Variants in GUCY2D observed in about 807,000 individuals in gnomAD.
GUCY2D encodes the protein guanylate cyclase 2D, retinal, also known as retinal guanylyl cyclase 1.
In GUCY2D, 70 loss-of-function variants were observed where a neutral mutation model predicts 101.3. That is an observed-to-expected ratio of 0.69 (90% CI 0.57 to 0.84). GUCY2D has a LOEUF of 0.84. Ranked by LOEUF, GUCY2D falls within the 40% of genes least tolerant of loss-of-function variation. The pLI is 0.00. For missense variants in GUCY2D, 1,460 were observed against 1,542.5 expected, an observed-to-expected ratio of 0.95 and a Z score of 0.90; for synonymous variants, 688 against 670.7, an observed-to-expected ratio of 1.03 and a Z score of -0.40.
At chr17:8,004,363 A>T (rs561600004) in intron 3 of GUCY2D, among the ~76,000 whole-genome samples, 2 of 152,334 alleles carry the variant, frequency 1.3e-5, no homozygotes, top group South Asian at 4.1e-4. Context: ...CGACCTCTCA[A>T]GTCCAACATC....
At chr17:8,012,051 C>T in intron 8 of GUCY2D, 93 bp from the exon 9 acceptor site, 2 of 869,154 alleles carry the variant, frequency 2.3e-6, no homozygotes, top group Non-Finnish European at 3.9e-6. Flanking sequence ...ATCTCATCTT[C>T]TGGGTCTGGA....
Position 8,015,785 on chromosome 17 carries a change from A to G in GUCY2D, c.2987A>G (p.Tyr996Cys). 1 of 1,612,590 alleles carries G rather than the reference A, an allele frequency of 6.2e-7. No individual in the cohort carries two copies. The highest frequency in any genetic ancestry group is 8.5e-7 in the Non-Finnish European group (1 of 1,179,582). ...GTGGTGGGCCTCACCATGCCGCGGT[A>G]CTGCCTGTTTGGGGACACGGTCAAC... ...AGVVGLTMPR[Y>C]CLFGDTVNTA... Residue 996 changes from tyrosine to cysteine, a missense_variant, in exon 16 of 20, where the codon TAC becomes TGC. By Grantham distance (194) the Tyr-to-Cys change is radical (BLOSUM62 -2). This residue lies in a region of GUCY2D where 215 missense variants were observed against 227.9 expected (regional missense o/e 0.94). Transcript: ENST00000254854.
At position 8,003,937 on chromosome 17, in the gene GUCY2D, C is replaced by T. The variant is rs773415492; in HGVS notation, c.807C>T (p.Thr269=). The change falls in exon 3 of 20, where the codon ACC becomes ACT. Residue 269 remains threonine (T), a synonymous_variant. Transcript: ENST00000254854. The part of the protein sequence containing the change: ...LLEAAEELGL[T]DGSLVFLPFD... The stretch of plus-strand genomic sequence containing the variant: ...AGGCCGCAGAGGAGCTGGGCCTGAC[C>T]GATGGCTCCCTGGTCTTCCTGCCCT... 37 of 1,613,566 alleles carry T rather than the reference C, an allele frequency of 2.3e-5. No homozygotes were observed. Among genetic ancestry groups the T allele is most frequent in the Non-Finnish European group, 2.9e-5 (34 of 1,179,868 alleles).
At position 8,015,920 on chromosome 17, in the gene GUCY2D, G is replaced by T. The variant is rs56348143; in HGVS notation, c.3044-7G>T. ...TCCCGAGCTCACGGCGTCCCCCACC[G>T]CCACAGCTTACCGCATCCACGTGAA... is the stretch of plus-strand genomic sequence containing the variant. On this transcript the variant is annotated splice_region_variant and splice_polypyrimidine_tract_variant and intron_variant, in intron 16 of 19. Transcript: ENST00000254854. 0.037 allele frequency: 60,009 copies of T among 1,607,880 alleles called. 1,363 individuals are homozygous for T. The highest frequency in any genetic ancestry group is 0.045 in the Non-Finnish European group (52,788 of 1,177,142).
At chr17:8,004,226 G>C in intron 3 of GUCY2D, 70 bp downstream of exon 3, 1 of 1,379,002 alleles carries the variant, frequency 7.3e-7, no homozygotes, top group Non-Finnish European at 9.8e-7. Flanking sequence ...GGGAGAGGAG[G>C]ATGCAGCCAA....
intron 6 of GUCY2D, 27 bp from the exon 7 acceptor site, chr17:8,007,904 C>T: frequency 7.2e-7 from 1 of 1,397,064 alleles, no homozygotes; most frequent in Non-Finnish European, 1.0e-6. Context: ...TATATTTTGA[C>T]CTCTTGCATT....
Position 8,002,956 on chromosome 17 carries a change from C to T in GUCY2D, c.-9-83C>T. On this transcript the variant is annotated intron_variant, in intron 1 of 19. Coordinates refer to ENST00000254854, the MANE Select transcript of GUCY2D (RefSeq NM_000180.4). This position sits in a 1 kb window ranked among gnomAD's most constrained non-coding sequence, Gnocchi z 4.9. ...AGAATCATCCCATGGGTTACTCGGG[C>T]TTGGAGAAACTCGGGGTTACGGGGA... 9.1e-7 allele frequency: 1 copy of T among 1,093,164 alleles called. No individual in the cohort carries two copies. Among genetic ancestry groups the T allele is most frequent in the Non-Finnish European group, 1.3e-6 (1 of 769,632 alleles). The allele number at this position is 1,093,164 out of a possible 1,614,324, so 67.7% of individuals were successfully genotyped here.
At position 8,015,316 on chromosome 17, in the gene GUCY2D, T is replaced by C. The variant is rs1297975751; in HGVS notation, c.2770-12T>C. 1.2e-6 allele frequency: 2 copies of C among 1,602,538 alleles called. No individual in the cohort carries two copies. Among genetic ancestry groups the C allele is most frequent in the African/African-American group, 2.7e-5 (2 of 74,924 alleles). On this transcript the variant is annotated splice_polypyrimidine_tract_variant and intron_variant, in intron 14 of 19. Coordinates refer to ENST00000254854, the MANE Select transcript of GUCY2D (RefSeq NM_000180.4). The stretch of plus-strand genomic sequence containing the variant: ...CTCAAAAGAAAATTCACACAACTCC[T>C]TCTTCCCCCAGGTGGAGACAATAGG...
intron 15 of GUCY2D, 89 bp from the exon 16 acceptor site, chr17:8,015,654 A>G (rs1349092058): frequency 2.5e-6 from 3 of 1,208,146 alleles, no homozygotes; most frequent in Non-Finnish European, 3.6e-6. Context: ...GCTGGTGGAG[A>G]TAATGGGTGC....
intron 19 of GUCY2D, chr17:8,016,866 G>A (rs977555258): frequency 6.5e-6 from 2 of 308,406 alleles, no homozygotes; most frequent in Admixed American, 9.3e-5. Context: ...CACTGCACAA[G>A]AGACAACTCT....
Position 8,014,403 on chromosome 17 carries a change from A to C in GUCY2D, c.2413-198A>C. 2 of 651,068 alleles carry C rather than the reference A, an allele frequency of 3.1e-6. No homozygotes were observed. Among genetic ancestry groups the C allele is most frequent in the Non-Finnish European group, 5.6e-6 (2 of 359,880 alleles). The allele number at this position is 651,068 out of a possible 1,614,324, so 40.3% of individuals were successfully genotyped here. ...GATCAACTGACCTCTGGGAACCCTC[A>C]TTTCCCACGTGCCTCCTAATCGTGT... On this transcript the variant is annotated intron_variant, in intron 12 of 19. Transcript: ENST00000254854. The surrounding 1 kb of genome is among the most constrained non-coding windows in gnomAD (Gnocchi z 4.0).
rs1975777197 is a variant in GUCY2D at position 8,007,936 on chromosome 17, C to T, written c.1572C>T (p.Ala524=). 5.6e-6 allele frequency: 9 copies of T among 1,608,428 alleles called. No homozygotes were observed. In the East Asian group the frequency reaches 2.0e-4, roughly 36 times the overall value. The stretch of plus-strand genomic sequence containing the variant: ...CATTGACCTCTACCTGCTAGGTGGC[C>T]CAGGGGAGTCGATCAAGTCTGGGTG... ...HPHGGTSRKV[A]QGSRSSLGAR... Residue 524 remains alanine, a synonymous_variant, in exon 7 of 20, where the codon GCC becomes GCT. Transcript: ENST00000254854.
At chr17:8,006,896 A>G (rs537485807) in intron 4 of GUCY2D, among the ~76,000 whole-genome samples, 164 bp from the exon 5 acceptor site, 5 of 152,162 alleles carry the variant, frequency 3.3e-5, no homozygotes, top group African/African-American at 9.6e-5. Context: ...GAAATTTTCT[A>G]TCATTCCCAG....
At position 8,012,479 on chromosome 17, in the gene GUCY2D, G is replaced by A. The variant is rs1334532414; in HGVS notation, c.1986G>A (p.Val662=). The A allele has an allele frequency of 6.2e-7, 1 of 1,614,124 alleles. No individual in the cohort carries two copies. Reference sequence around the variant, plus strand: ...TAAGGTATCTGCACCATCGAGGCGTGGCTCATGGGCGGCTGAAGTCACGGA... The same window carrying A: ...TAAGGTATCTGCACCATCGAGGCGTAGCTCATGGGCGGCTGAAGTCACGGA... ...KGIRYLHHRG[V]AHGRLKSRNC... Residue 662 remains valine, a synonymous_variant, in exon 10 of 20, where the codon GTG becomes GTA. Coordinates refer to ENST00000254854, the MANE Select transcript of GUCY2D (RefSeq NM_000180.4).
chr17:8,006,810 C>T lies in GUCY2D; in HGVS notation c.1378+96C>T. 9.7e-6 allele frequency: 11 copies of T among 1,134,092 alleles called. No individual in the cohort carries two copies. The South Asian group carries it at 1.3e-4, about 14-fold the overall frequency. The allele number at this position is 1,134,092 out of a possible 1,614,324, so 70.3% of individuals were successfully genotyped here. A position where few individuals can be genotyped will look rare whatever the true frequency, so the allele number is the denominator to read the frequency against. ...GGACTCCTATCCTGTAATCCGTCTT[C>T]GATGCCCTTCTAGGCCCTCTCCCAG... On this transcript the variant is annotated intron_variant, in intron 4 of 19. Coordinates refer to ENST00000254854, the MANE Select transcript of GUCY2D (RefSeq NM_000180.4).
chr17:8,013,212 C>T lies in GUCY2D; in HGVS notation c.2223C>T (p.Cys741=). 6.2e-7 allele frequency: 1 copy of T among 1,614,124 alleles called. No individual in the cohort carries two copies. Residue 741 remains cysteine, a synonymous_variant, in exon 11 of 20, where the codon TGC becomes TGT. Transcript: ENST00000254854. The surrounding 1 kb of genome is among the most constrained non-coding windows in gnomAD (Gnocchi z 5.0). ...SLAIIMQEVV[C]RSAPYAMLEL... is the part of the protein sequence containing the mutation. Reference sequence around the variant, plus strand: ...CCATCATCATGCAAGAAGTAGTGTGCCGCAGTGCCCCTTATGCCATGCTGG... The same window carrying T: ...CCATCATCATGCAAGAAGTAGTGTGTCGCAGTGCCCCTTATGCCATGCTGG...
chr17:8,011,284 C>T lies in GUCY2D; in HGVS notation c.1750-860C>T, dbSNP rs534022358. Among the ~76,000 whole-genome samples the T allele has an allele frequency of 4.6e-5, 7 of 151,960 alleles. No individual in the cohort carries two copies. Among genetic ancestry groups the T allele is most frequent in the South Asian group, 2.1e-4 (1 of 4,798 alleles). ...ATCCCAGCTATTCGGGAGGCTGAGACGGGAGAATCGCTTGAGCTCAGGATG... is the reference window on the plus strand; with the variant it reads ...ATCCCAGCTATTCGGGAGGCTGAGATGGGAGAATCGCTTGAGCTCAGGATG... On this transcript the variant is annotated intron_variant, in intron 8 of 19. Coordinates refer to ENST00000254854, the MANE Select transcript of GUCY2D (RefSeq NM_000180.4). The surrounding 1 kb of genome is among the most constrained non-coding windows in gnomAD (Gnocchi z 4.3).
In GUCY2D at chr17:8,003,829, G is replaced by T. The variant is rs775258389; in HGVS notation, c.722-23G>T. 4 of 1,606,992 alleles carry T rather than the reference G, an allele frequency of 2.5e-6. No individual in the cohort carries two copies. The Admixed American group carries it at 6.7e-5, about 27-fold the overall frequency. ...GTCCTGCCGGCAGCCGGACGGCGCC[G>T]CGAGCCAAGCCTCTGTCCGCAGCAG... On this transcript the variant is annotated intron_variant, in intron 2 of 19. Transcript: ENST00000254854.
At chr17:8,019,137 TC>T (rs1389654327) in intron 19 of GUCY2D, among the ~76,000 whole-genome samples, 2 of 152,194 alleles carry the variant, frequency 1.3e-5, no homozygotes, top group Non-Finnish European at 2.9e-5. Flanking sequence ...TGTACTTAGG[TC>T]CCAGGGATTG....
Sources: allele counts gnomAD v4.1 joint callset (sites outside exome capture counted in the v4.1 genomes callset), GRCh38; gene constraint gnomAD v4.1.1; regional missense constraint gnomAD v4.1.1; non-coding constraint Gnocchi (gnomAD v3.1); transcripts MANE v1.5; gene names NCBI Gene and HGNC (gene_info 2026-07-23, HGNC 2026-07-21).